The following STEAP1B variants were observed in gnomAD, a reference collection of about 807,000 sequenced individuals.
The protein encoded by STEAP1B is STEAP family protein MGC87042.
In STEAP1B, 13 loss-of-function variants were observed where a neutral mutation model predicts 27.9. That is an observed-to-expected ratio of 0.47 (90% CI 0.30 to 0.74). The LOEUF (loss-of-function observed/expected upper bound fraction) is 0.74. STEAP1B is among the 30% of genes least tolerant of loss of function. The pLI, the probability that STEAP1B is intolerant of heterozygous loss-of-function variation, is 0.06. For synonymous variants in STEAP1B, 86 were observed against 107.1 expected, an observed-to-expected ratio of 0.80 and a Z score of 1.22; for missense variants, 250 against 298.7, an observed-to-expected ratio of 0.84 and a Z score of 1.20.
intron 4 of STEAP1B, among the ~76,000 whole-genome samples, chr7:22,476,814 T>C (rs945999403): frequency 6.6e-6 from 1 of 152,142 alleles, no homozygotes; most frequent in Non-Finnish European, 1.5e-5. Context: ...ACGACAAACA[T>C]CATGGCTGTA....
rs752333931 is a variant in STEAP1B at position 22,493,588 on chromosome 7, G to T, written c.333C>A (p.Ile111=). ...SHQQYFYKIP[I]LVINKVLPMV... Reference sequence around the variant, plus strand: ...TTGGCAAGACTTTGTTGATGACCAGGATTGGAATTTTATAAAAATATTGTT... The same window carrying T: ...TTGGCAAGACTTTGTTGATGACCAGTATTGGAATTTTATAAAAATATTGTT... Residue 111 remains isoleucine, a synonymous_variant, in exon 3 of 5, where the codon ATC becomes ATA. Transcript: ENST00000678116. 4.3e-6 allele frequency: 7 copies of T among 1,613,826 alleles called. No individual in the cohort carries two copies. In the East Asian group the frequency reaches 1.3e-4, roughly 31 times the overall value.
chr7:22,448,080 T>G (rs758125093), intron 4 of STEAP1B, among the ~76,000 whole-genome samples: 1 of 152,244 alleles, frequency 6.6e-6, no homozygotes, highest in Non-Finnish European at 1.5e-5. Flanking sequence ...TCATTATTCA[T>G]CTATGGTTTA....
chr7:22,433,488 TCATTGTAACC>T (rs1406455371), intron 4 of STEAP1B, among the ~76,000 whole-genome samples: 2 of 132,558 alleles, frequency 1.5e-5, no homozygotes, highest in East Asian at 4.5e-4. Context: ...ACATAATGAC[TCATTGTAACC>T]CCAGGGAGAG....
At chr7:22,489,263 A>G (rs73684102) in intron 4 of STEAP1B, among the ~76,000 whole-genome samples, 4,991 of 152,288 alleles carry the variant, frequency 0.033, 136 homozygotes, top group African/African-American at 0.076. Context: ...TAGTTACAAC[A>G]TTCATGGACC....
chr7:22,473,908 G>T (rs1785928873), intron 4 of STEAP1B, among the ~76,000 whole-genome samples: 1 of 152,158 alleles, frequency 6.6e-6, no homozygotes, highest in African/African-American at 2.4e-5. Context: ...AACCTGCCTG[G>T]GACTGACTAG....
At position 22,438,489 on chromosome 7, in the gene STEAP1B, T is replaced by C. The variant is rs566341593; in HGVS notation, c.763-18653A>G. 155 of 1,548,832 alleles carry C rather than the reference T, an allele frequency of 1.0e-4. No homozygotes were observed. In the African/African-American group the frequency reaches 2.0e-3, roughly 20 times the overall value. On this transcript the variant is annotated intron_variant, in intron 4 of 4. Transcript: ENST00000678116. ...ACAAGGTTCTCACTTTCATGCATGC[T>C]TAAATCTGAAAGATGATCAGCAATA... is the stretch of plus-strand genomic sequence containing the variant.
intron 4 of STEAP1B, among the ~76,000 whole-genome samples, chr7:22,445,983 G>T (rs921018364): frequency 6.6e-6 from 1 of 152,154 alleles, no homozygotes; most frequent in African/African-American, 2.4e-5. Context: ...TTCTTCTTTG[G>T]GCTTTATTTA....
chr7:22,473,210 G>A (rs551398468), intron 4 of STEAP1B, among the ~76,000 whole-genome samples: 75 of 152,314 alleles, frequency 4.9e-4, no homozygotes, highest in African/African-American at 1.8e-3. Context: ...TTTGCAAGGA[G>A]AAGAAACTGC....
intron 4 of STEAP1B, among the ~76,000 whole-genome samples, chr7:22,442,227 G>C (rs1190245619): frequency 6.6e-6 from 1 of 152,234 alleles, no homozygotes; most frequent in Non-Finnish European, 1.5e-5. Flanking sequence ...CATATTCATA[G>C]CCCAGGACTG....
intron 4 of STEAP1B, among the ~76,000 whole-genome samples, chr7:22,488,033 A>G (rs1786245690): frequency 6.6e-6 from 1 of 152,034 alleles, no homozygotes; most frequent in Admixed American, 6.6e-5. Context: ...AGAATCTGAA[A>G]AGTGACTACT....
intron 1 of STEAP1B, chr7:22,495,585 G>A (rs1786425169): frequency 6.6e-6 from 1 of 152,178 alleles, no homozygotes; most frequent in Non-Finnish European, 1.5e-5. Flanking sequence ...TTTAGGGAAA[G>A]AAAACATATG....
At chr7:22,487,185 G>A (rs1382226473) in intron 4 of STEAP1B, among the ~76,000 whole-genome samples, 1 of 152,188 alleles carries the variant, frequency 6.6e-6, no homozygotes, top group Non-Finnish European at 1.5e-5. Flanking sequence ...TGAAATCCCA[G>A]CACTTTAGGA....
intron 4 of STEAP1B, among the ~76,000 whole-genome samples, chr7:22,449,164 T>G (rs1357486517): frequency 6.6e-6 from 1 of 152,210 alleles, no homozygotes; most frequent in Non-Finnish European, 1.5e-5. Context: ...CTTTCAGATT[T>G]TTTAAATGTA....
intron 4 of STEAP1B, among the ~76,000 whole-genome samples, chr7:22,455,099 G>A (rs1785558398): frequency 6.6e-6 from 1 of 151,932 alleles, no homozygotes; most frequent in African/African-American, 2.4e-5. Context: ...TCTTCACTTC[G>A]TGATCCACCT....
Position 22,461,069 on chromosome 7 carries a change from C to T in STEAP1B, c.762+31496G>A, listed in dbSNP as rs142261137. Among the ~76,000 whole-genome samples the T allele has an allele frequency of 1.4e-3, 210 of 152,236 alleles. 2 individuals carry two copies. The highest frequency in any genetic ancestry group is 4.0e-3 in the African/African-American group (165 of 41,522). On this transcript the variant is annotated intron_variant, in intron 4 of 4. Transcript: ENST00000678116. ...TCCTGGGTGTGTCAGCTCCACAATA[C>T]GGAACAGCTAGCTGTGTTGGATTGC... is the stretch of plus-strand genomic sequence containing the variant.
At chr7:22,456,041 T>G (rs955563586) in intron 4 of STEAP1B, among the ~76,000 whole-genome samples, 1 of 151,690 alleles carries the variant, frequency 6.6e-6, no homozygotes, top group Admixed American at 6.6e-5. Context: ...CAGCTACTCG[T>G]GAGGCTGAGG....
intron 4 of STEAP1B, among the ~76,000 whole-genome samples, chr7:22,430,633 TAG>T (rs1785171969): frequency 6.6e-6 from 1 of 152,198 alleles, no homozygotes; most frequent in Admixed American, 6.5e-5. Flanking sequence ...TTGTTTTCGT[TAG>T]AGTCATGATG....
chr7:22,488,052 G>A (rs926758649), intron 4 of STEAP1B, among the ~76,000 whole-genome samples: 6 of 151,936 alleles, frequency 3.9e-5, no homozygotes, highest in Non-Finnish European at 7.4e-5. Flanking sequence ...CTCCCCACAC[G>A]CCACCCCAGA....
intron 4 of STEAP1B, among the ~76,000 whole-genome samples, chr7:22,447,302 T>C (rs1785423493): frequency 6.6e-6 from 1 of 152,214 alleles, no homozygotes; most frequent in Non-Finnish European, 1.5e-5. Flanking sequence ...CAATACAGTT[T>C]GGTGACAGAG....
Sources: gnomAD v4.1 joint callset for allele counts (sites outside exome capture counted in the v4.1 genomes callset) on GRCh38, gnomAD v4.1.1 for gene constraint, MANE v1.5 for transcripts, NCBI Gene and HGNC (gene_info 2026-07-23, HGNC 2026-07-21) for gene names.